Variants in HPSE2 observed in about 807,000 individuals in gnomAD.
HPSE2 encodes heparanase 2 (inactive), also known as inactive heparanase-2.
In HPSE2, 38 loss-of-function variants were observed where a neutral mutation model predicts 60.5. The ratio of observed to expected loss-of-function variants is 0.63; its 90% CI spans 0.48 to 0.82. HPSE2 has a LOEUF of 0.82. Ranked by LOEUF, HPSE2 falls within the 40% of genes least tolerant of loss-of-function variation. The pLI is 0.00. For synonymous variants in HPSE2, 295 were observed against 293.2 expected (o/e 1.01, Z -0.06); for missense variants, 713 against 740.4 (o/e 0.96, Z 0.43).
intron 2 of HPSE2, among the ~76,000 whole-genome samples, chr10:99,162,611 G>A (rs1017139482): frequency 2.6e-5 from 4 of 152,222 alleles, no homozygotes; most frequent in African/African-American, 9.6e-5. Context: ...CTTCTGTGCT[G>A]AGATCCTAAT....
At chr10:98,535,320 G>GT (rs200583729) in intron 9 of HPSE2, among the ~76,000 whole-genome samples, 60 of 151,656 alleles carry the variant, frequency 4.0e-4, no homozygotes, top group African/African-American at 1.4e-3. Flanking sequence ...ACATATTTTT[G>GT]TTTGTTTTTT....
chr10:98,634,277 A>G (rs1246303145), intron 7 of HPSE2, among the ~76,000 whole-genome samples: 1 of 152,182 alleles, frequency 6.6e-6, no homozygotes, highest in African/African-American at 2.4e-5. Flanking sequence ...ACATGTATTG[A>G]GCACCTGCTA....
At chr10:99,205,156 G>T (rs1415217920) in intron 2 of HPSE2, among the ~76,000 whole-genome samples, 1 of 152,126 alleles carries the variant, frequency 6.6e-6, no homozygotes, top group Non-Finnish European at 1.5e-5. Context: ...CACTATTTGG[G>T]TACTGGGTAT....
intron 6 of HPSE2, among the ~76,000 whole-genome samples, chr10:98,674,109 A>T (rs2134118756): frequency 6.6e-6 from 1 of 152,340 alleles, no homozygotes. Context: ...TCAAGGATTT[A>T]ACTTTATATA....
At chr10:99,294,810 A>G in the HPSE2 span, among the ~76,000 whole-genome samples, 2 of 151,990 alleles carry the variant, frequency 1.3e-5, no homozygotes, top group Non-Finnish European at 2.9e-5. Flanking sequence ...AATACAAAAA[A>G]TCAGGCGTGT....
At chr10:99,257,957 T>G in the HPSE2 span, among the ~76,000 whole-genome samples, 13 of 151,932 alleles carry the variant, frequency 8.6e-5, no homozygotes, top group Non-Finnish European at 1.8e-4. Flanking sequence ...GGGGACAGGT[T>G]CTCCCGATAC....
chr10:98,812,775 C>G (rs776771534), intron 3 of HPSE2, among the ~76,000 whole-genome samples: 2 of 152,266 alleles, frequency 1.3e-5, no homozygotes, highest in South Asian at 4.1e-4. Context: ...TATTGCTCAA[C>G]TTCTTTGATA....
At chr10:98,743,796 G>T in intron 4 of HPSE2, 87 bp downstream of exon 4, 1 of 1,221,168 alleles carries the variant, frequency 8.2e-7, no homozygotes, top group South Asian at 1.2e-5. Context: ...CAGGGTACTA[G>T]AGATGGTCTG....
the HPSE2 span, among the ~76,000 whole-genome samples, chr10:99,262,809 C>T: frequency 6.6e-5 from 10 of 152,162 alleles, no homozygotes; most frequent in Admixed American, 2.6e-4. Context: ...TACCTCCCTC[C>T]ACAACCCATT....
At chr10:99,138,445 T>G (rs1845743685) in intron 3 of HPSE2, among the ~76,000 whole-genome samples, 1 of 152,184 alleles carries the variant, frequency 6.6e-6, no homozygotes, top group South Asian at 2.1e-4. Context: ...TGCACACACA[T>G]GTTTATTGTG....
At chr10:99,192,599 G>T (rs897874561) in intron 2 of HPSE2, among the ~76,000 whole-genome samples, 1 of 110,294 alleles carries the variant, frequency 9.1e-6, no homozygotes, top group African/African-American at 2.6e-5. Context: ...ACCATATCTG[G>T]CTAATTTTTT....
intron 5 of HPSE2, 97 bp downstream of exon 5, chr10:98,721,560 A>G: frequency 9.2e-7 from 1 of 1,092,514 alleles, no homozygotes; most frequent in Non-Finnish European, 1.3e-6. Flanking sequence ...TTAAGACCAA[A>G]ATAAATAAAT....
chr10:99,304,310 T>A, the HPSE2 span, among the ~76,000 whole-genome samples: 1 of 152,210 alleles, frequency 6.6e-6, no homozygotes, highest in Admixed American at 6.5e-5. Context: ...TCCCTAGAAA[T>A]TTCTGCATGA....
At chr10:99,278,608 T>C in the HPSE2 span, among the ~76,000 whole-genome samples, 1 of 152,202 alleles carries the variant, frequency 6.6e-6, no homozygotes, top group Non-Finnish European at 1.5e-5. Context: ...AAATAAAATG[T>C]GGGCTTCTGT....
intron 9 of HPSE2, among the ~76,000 whole-genome samples, chr10:98,525,590 C>T (rs1240469978): frequency 6.6e-6 from 1 of 152,194 alleles, no homozygotes; most frequent in Non-Finnish European, 1.5e-5. Context: ...ATGGGAGGAT[C>T]TTCCTTTGGT....
At chr10:98,604,569 C>T (rs1298726682) in intron 9 of HPSE2, among the ~76,000 whole-genome samples, 1 of 152,160 alleles carries the variant, frequency 6.6e-6, no homozygotes, top group African/African-American at 2.4e-5. Flanking sequence ...ATAATTGAAA[C>T]AATAATGACT....
chr10:98,824,498 T>C (rs1951497712), intron 3 of HPSE2, among the ~76,000 whole-genome samples: 1 of 152,226 alleles, frequency 6.6e-6, no homozygotes, highest in Non-Finnish European at 1.5e-5. Flanking sequence ...CTAATGTCTC[T>C]TACTATCATA....
intron 3 of HPSE2, among the ~76,000 whole-genome samples, chr10:98,759,592 A>C (rs1565143066): frequency 6.6e-6 from 1 of 152,104 alleles, no homozygotes; most frequent in Non-Finnish European, 1.5e-5. Context: ...GTTAAAGATC[A>C]GTTGACTAAA....
At chr10:99,090,776 GT>G (rs1843485144) in intron 3 of HPSE2, among the ~76,000 whole-genome samples, 1 of 151,722 alleles carries the variant, frequency 6.6e-6, no homozygotes, top group African/African-American at 2.4e-5. Flanking sequence ...TCAAAGATCT[GT>G]CTACCTCAAA....
Sources: allele counts gnomAD v4.1 joint callset (sites outside exome capture counted in the v4.1 genomes callset), GRCh38; gene constraint gnomAD v4.1.1; transcripts MANE v1.5; gene names NCBI Gene and HGNC (gene_info 2026-07-23, HGNC 2026-07-21).